MINK1: variants seen among roughly 807,000 people sequenced by gnomAD.
The protein encoded by MINK1 is misshapen-like kinase 1.
In MINK1, 46 loss-of-function variants were observed where a neutral mutation model predicts 178.4. That is an observed-to-expected ratio of 0.26 (90% CI 0.20 to 0.33). The LOEUF (loss-of-function observed/expected upper bound fraction) is 0.33, where lower values mean the gene tolerates loss of function less well. MINK1 is among the 10% of genes least tolerant of loss of function. The pLI is 1.00. For missense variants in MINK1, 1,366 were observed against 1,814.9 expected (o/e 0.75, Z 4.49); for synonymous variants, 797 against 709.7 (o/e 1.12, Z -1.96).
intron 1 of MINK1, 57 bp from the exon 2 acceptor site, chr17:4,878,260 G>A: frequency 6.8e-7 from 1 of 1,478,406 alleles, no homozygotes. Context: ...CCCCCCTCTA[G>A]CTCTGTAATC....
rs750915647 is a variant in MINK1, at chr17:4,896,144, G to C, written c.3465+41G>C. The C allele has an allele frequency of 6.2e-7, 1 of 1,606,440 alleles. No homozygotes were observed. Among genetic ancestry groups the C allele is most frequent in the Non-Finnish European group, 8.5e-7 (1 of 1,176,184 alleles). On this transcript the variant is annotated intron_variant, in intron 28 of 31. Coordinates refer to ENST00000355280, the MANE Select transcript of MINK1 (RefSeq NM_153827.5). The surrounding 1 kb of genome is among the most constrained non-coding windows in gnomAD (Gnocchi z 4.6). ...GTCCCTAACACCATCTGGAGTCCCA[G>C]CGCCTCTCCCCGTGCCCCTGAGCCC...
In MINK1 at chr17:4,885,132, C is replaced by T. The variant is rs1968077127; in HGVS notation, c.508+130C>T. 3.7e-6 allele frequency: 3 copies of T among 818,216 alleles called. No homozygotes were observed. In the East Asian group the frequency reaches 8.0e-5, roughly 22 times the overall value. 50.7% of individuals were successfully genotyped at this position (818,216 alleles called of 1,614,324 possible). ...TGGGGAGGCTCACTCCCTCCCCTTT[C>T]CCCTCTCCCCCTGGAATGCCCTGCC... On this transcript the variant is annotated intron_variant, in intron 6 of 31. Coordinates refer to ENST00000355280, the MANE Select transcript of MINK1 (RefSeq NM_153827.5). The surrounding 1 kb of genome is among the most constrained non-coding windows in gnomAD (Gnocchi z 5.0).
chr17:4,856,134 T>C (rs1913097756), intron 1 of MINK1, among the ~76,000 whole-genome samples: 1 of 152,200 alleles, frequency 6.6e-6, no homozygotes, highest in Admixed American at 6.5e-5. Context: ...ATCTGTCTCA[T>C]GCTTTGGCTT....
At chr17:4,893,825 G>T (rs746627438) in intron 21 of MINK1, 163 bp from the exon 22 acceptor site, 2 of 854,598 alleles carry the variant, frequency 2.3e-6, no homozygotes, top group Admixed American at 3.1e-5. Context: ...TGTGTGCCAT[G>T]CAGGGAAGCA....
In MINK1 at chr17:4,886,276, C is replaced by T; in HGVS notation, c.773+78C>T. The T allele has an allele frequency of 6.4e-7, 1 of 1,560,314 alleles. No homozygotes were observed. Among genetic ancestry groups the T allele is most frequent in the Non-Finnish European group, 8.8e-7 (1 of 1,131,474 alleles). On this transcript the variant is annotated intron_variant, in intron 9 of 31. Coordinates refer to ENST00000355280, the MANE Select transcript of MINK1 (RefSeq NM_153827.5). The surrounding 1 kb of genome is among the most constrained non-coding windows in gnomAD (Gnocchi z 6.1). ...TCCCCACCTTCATGCCCTCTGTGCT[C>T]AGGCTTGGATCTCACCAGAGAAGAG...
At position 4,897,290 on chromosome 17, in the gene MINK1, G is replaced by C. The variant is rs755856876; in HGVS notation, c.*3G>C. ...GTAACTGCATCATGAACTGGTGACG[G>C]GGCCCTGGGCTGGGGCTGTCCCACA... On this transcript the variant is annotated 3_prime_UTR_variant, in exon 32 of 32. Coordinates refer to ENST00000355280, the MANE Select transcript of MINK1 (RefSeq NM_153827.5). The C allele has an allele frequency of 1.2e-6, 2 of 1,613,366 alleles. No homozygotes were observed. Among genetic ancestry groups the C allele is most frequent in the Non-Finnish European group, 1.7e-6 (2 of 1,179,544 alleles).
chr17:4,865,435 A>G (rs1914803758), intron 1 of MINK1, among the ~76,000 whole-genome samples: 2 of 152,010 alleles, frequency 1.3e-5, no homozygotes, highest in African/African-American at 2.4e-5. Context: ...CACTGTCTCA[A>G]AAAATAAATA....
chr17:4,890,100 C>G (rs1968634633), intron 13 of MINK1: 3 of 462,196 alleles, frequency 6.5e-6, no homozygotes, highest in Non-Finnish European at 1.1e-5. Flanking sequence ...TCTTACTCTT[C>G]CCCTGCACCC....
rs1969176328 is a variant in MINK1, at chr17:4,894,135, C to T, written c.2671-39C>T. 2 of 1,610,704 alleles carry T rather than the reference C, an allele frequency of 1.2e-6. No individual in the cohort carries two copies. The highest frequency in any genetic ancestry group is 2.7e-5 in the African/African-American group (2 of 74,802). On this transcript the variant is annotated intron_variant, in intron 22 of 31. Transcript: ENST00000355280. This position sits in a 1 kb window ranked among gnomAD's most constrained non-coding sequence, Gnocchi z 4.1. ...TCCCTCCCCTGTACCTGTGTGTGCCCTCCTCAGCCCCACGCCAACCCTGCC... is the reference window on the plus strand; with the variant it reads ...TCCCTCCCCTGTACCTGTGTGTGCCTTCCTCAGCCCCACGCCAACCCTGCC...
At chr17:4,877,695 T>G (rs1050539607) in intron 1 of MINK1, among the ~76,000 whole-genome samples, 2 of 151,126 alleles carry the variant, frequency 1.3e-5, no homozygotes, top group Non-Finnish European at 2.9e-5. Context: ...AGGAAGGTAC[T>G]CGGGCACCCT....
intron 1 of MINK1, among the ~76,000 whole-genome samples, chr17:4,856,031 T>A (rs1388857371): frequency 1.3e-5 from 2 of 151,774 alleles, no homozygotes; most frequent in Non-Finnish European, 2.9e-5. Flanking sequence ...AGGAAATTGA[T>A]GAGGGTATCA....
intron 1 of MINK1, among the ~76,000 whole-genome samples, chr17:4,863,095 A>C (rs1030882787): frequency 6.6e-6 from 1 of 152,216 alleles, no homozygotes; most frequent in African/African-American, 2.4e-5. Flanking sequence ...AGAAAAGAGA[A>C]AAGAAAAAGA....
intron 4 of MINK1, among the ~76,000 whole-genome samples, chr17:4,882,592 A>C (rs1364999244): frequency 6.6e-6 from 1 of 152,200 alleles, no homozygotes; most frequent in East Asian, 1.9e-4. Context: ...GGGACTGGCA[A>C]ACTTCTTCTG....
At chr17:4,835,619 C>G (rs1012882884) in intron 1 of MINK1, among the ~76,000 whole-genome samples, 1 of 152,098 alleles carries the variant, frequency 6.6e-6, no homozygotes, top group Non-Finnish European at 1.5e-5. Context: ...AAAGCGAGAC[C>G]TTGTCTTAAA....
chr17:4,878,263 C>T (rs1967373208), intron 1 of MINK1, 54 bp from the exon 2 acceptor site: 1 of 1,492,096 alleles, frequency 6.7e-7, no homozygotes, highest in African/African-American at 1.4e-5. Context: ...CCCTCTAGCT[C>T]TGTAATCCTT....
chr17:4,886,255 C>T lies in MINK1; in HGVS notation c.773+57C>T. On this transcript the variant is annotated intron_variant, in intron 9 of 31. Coordinates refer to ENST00000355280, the MANE Select transcript of MINK1 (RefSeq NM_153827.5). The surrounding 1 kb of genome is among the most constrained non-coding windows in gnomAD (Gnocchi z 6.1). ...GAAGGTCCCTGGACAAGGCCATCCC[C>T]ACCTTCATGCCCTCTGTGCTCAGGC... 1 of 1,574,840 alleles carries T rather than the reference C, an allele frequency of 6.3e-7. No homozygotes were observed. The highest frequency in any genetic ancestry group is 8.7e-7 in the Non-Finnish European group (1 of 1,144,526).
rs575433431 is a variant in MINK1 at position 4,889,758 on chromosome 17, G to A, written c.1342G>A (p.Glu448Lys). The A allele has an allele frequency of 3.9e-6, 6 of 1,534,440 alleles. No individual in the cohort carries two copies. Among genetic ancestry groups the A allele is most frequent in the Non-Finnish European group, 5.2e-6 (6 of 1,143,720 alleles). ...REEERRQAEREQEYKRKQLEE... is the reference protein window; with the variant it reads ...REEERRQAERKQEYKRKQLEE... The stretch of plus-strand genomic sequence containing the variant: ...GGAGGAGCGGCGGCAGGCGGAGCGC[G>A]AGCAGGTAGAGCGCCGCACCCGCAT... The change falls in exon 13 of 32, where the codon GAG becomes AAG. Residue 448 changes from glutamate (E) to lysine (K), a missense_variant. Glu to Lys is a moderately conservative substitution (Grantham distance 56, BLOSUM62 1). Transcript: ENST00000355280.
intron 1 of MINK1, among the ~76,000 whole-genome samples, chr17:4,854,142 G>A (rs1033423460): frequency 6.6e-6 from 1 of 152,050 alleles, no homozygotes; most frequent in Admixed American, 6.6e-5. Flanking sequence ...ATCAGAAAGG[G>A]ACCATCTGTC....
Position 4,895,769 on chromosome 17 carries a change from G to C in MINK1, c.3301G>C (p.Val1101Leu). ...CAAGATTCTGCACAATGACCCAGAAGTGGAGAAGAAGCAGGGCTGGACCAC... is the reference window on the plus strand; with the variant it reads ...CAAGATTCTGCACAATGACCCAGAACTGGAGAAGAAGCAGGGCTGGACCAC... ...RNKILHNDPE[V>L]EKKQGWTTVG... Residue 1101 changes from valine to leucine, a missense_variant, in exon 27 of 32, where the codon GTG (valine) becomes CTG (leucine). Coordinates refer to ENST00000355280, the MANE Select transcript of MINK1 (RefSeq NM_153827.5). The surrounding 1 kb of genome is among the most constrained non-coding windows in gnomAD (Gnocchi z 4.3). 6.2e-7 allele frequency: 1 copy of C among 1,613,898 alleles called. No individual in the cohort carries two copies. Among genetic ancestry groups the C allele is most frequent in the Non-Finnish European group, 8.5e-7 (1 of 1,179,834 alleles).
Sources: allele counts gnomAD v4.1 joint callset (sites outside exome capture counted in the v4.1 genomes callset), GRCh38; gene constraint gnomAD v4.1.1; non-coding constraint Gnocchi (gnomAD v3.1); transcripts MANE v1.5; gene names NCBI Gene and HGNC (gene_info 2026-07-23, HGNC 2026-07-21).